The following SERPINI2 variants were observed in gnomAD, a reference collection of about 807,000 sequenced individuals.
SERPINI2 encodes the protein serpin family I member 2.
Under a neutral mutation model 47.3 loss-of-function variants are expected in SERPINI2, and 48 were observed. The observed-to-expected ratio is 1.02, with a 90% CI of 0.81 to 1.29. The LOEUF is 1.29. Ranked by LOEUF, SERPINI2 falls within the 50% of genes most tolerant of loss-of-function variation. The pLI, the probability that SERPINI2 is intolerant of heterozygous loss-of-function variation, is 0.00. For synonymous variants in SERPINI2, 135 were observed against 149.3 expected, an observed-to-expected ratio of 0.90 and a Z score of 0.70; for missense variants, 448 against 456.9, an observed-to-expected ratio of 0.98 and a Z score of 0.18.
chr3:167,450,793 A>G (rs1380508582), intron 6 of SERPINI2, among the ~76,000 whole-genome samples: 1 of 152,092 alleles, frequency 6.6e-6, no homozygotes, highest in African/African-American at 2.4e-5. Context: ...GTTAGGAAGG[A>G]GTGAAGAATT....
chr3:167,466,733 C>A (rs1750144062), intron 3 of SERPINI2, among the ~76,000 whole-genome samples: 1 of 151,878 alleles, frequency 6.6e-6, no homozygotes, highest in South Asian at 2.1e-4. Flanking sequence ...TTCTACCTGG[C>A]CAAAGAGATT....
intron 5 of SERPINI2, among the ~76,000 whole-genome samples, chr3:167,462,144 C>T (rs567474936): frequency 6.6e-6 from 1 of 152,308 alleles, no homozygotes; most frequent in South Asian, 2.1e-4. Flanking sequence ...ATAGTCTACA[C>T]TCAAGGAACT....
chr3:167,450,723 CAAAT>C (rs1749617569), intron 6 of SERPINI2, among the ~76,000 whole-genome samples: 1 of 152,036 alleles, frequency 6.6e-6, no homozygotes, highest in African/African-American at 2.4e-5. Flanking sequence ...TGGAAGAAGA[CAAAT>C]AAACACAGAG....
At chr3:167,449,504 TTA>T in intron 6 of SERPINI2, 102 bp from the exon 7 acceptor site, 1 of 562,878 alleles carries the variant, frequency 1.8e-6, no homozygotes, top group African/African-American at 2.1e-5. Flanking sequence ...ATTTATTTAT[TTA>T]TTTTTTGAGA....
At chr3:167,445,602 C>G (rs1210705850) in intron 8 of SERPINI2, among the ~76,000 whole-genome samples, 1 of 152,152 alleles carries the variant, frequency 6.6e-6, no homozygotes, top group African/African-American at 2.4e-5. Context: ...GGCATTTTGC[C>G]AAATATTGGC....
chr3:167,469,332 G>T (rs1750241979), intron 2 of SERPINI2: 1 of 152,128 alleles, frequency 6.6e-6, no homozygotes, highest in Non-Finnish European at 1.5e-5. Context: ...GCTAGTAAAA[G>T]TCTAAAAGCC....
At chr3:167,453,564 G>A (rs1749701046) in intron 5 of SERPINI2, among the ~76,000 whole-genome samples, 1 of 151,656 alleles carries the variant, frequency 6.6e-6, no homozygotes, top group Non-Finnish European at 1.5e-5. Context: ...TGTATGGACA[G>A]GCCTAATATC....
intron 2 of SERPINI2, among the ~76,000 whole-genome samples, chr3:167,470,579 T>C (rs955163497): frequency 3.1e-4 from 37 of 119,852 alleles, no homozygotes; most frequent in African/African-American, 1.0e-3. Context: ...TTTTTTTTTT[T>C]GGAGAAGGAG....
chr3:167,463,635 T>C (rs183599443), intron 5 of SERPINI2, among the ~76,000 whole-genome samples: 2 of 152,236 alleles, frequency 1.3e-5, no homozygotes, highest in East Asian at 3.9e-4. Flanking sequence ...AGAGTTAGGA[T>C]GAGAGAAGTA....
At chr3:167,454,799 G>A (rs573907478) in intron 5 of SERPINI2, among the ~76,000 whole-genome samples, 1 of 152,294 alleles carries the variant, frequency 6.6e-6, no homozygotes, top group South Asian at 2.1e-4. Flanking sequence ...TTGGAGCCAT[G>A]AATAGCCAGG....
Position 167,473,996 on chromosome 3 carries a change from T to C in SERPINI2, c.-11+7A>G, listed in dbSNP as rs185430895. 7 of 1,141,568 alleles carry C rather than the reference T, an allele frequency of 6.1e-6. No individual in the cohort carries two copies. Among genetic ancestry groups the C allele is most frequent in the Middle Eastern group, 7.5e-4 (2 of 2,652 alleles). The allele number at this position is 1,141,568 out of a possible 1,614,324, so 70.7% of individuals were successfully genotyped here. On this transcript the variant is annotated splice_region_variant and intron_variant, in intron 1 of 8. Coordinates refer to ENST00000264677, the Ensembl canonical transcript of SERPINI2. ...ATTCAAAAGCTATTTATTTCTAAGG[T>C]ACTTACCCCAAACTGACTTCTGATT...
At chr3:167,472,037 T>C (rs145834546) in intron 1 of SERPINI2, 193 bp from the exon 2 acceptor site, 6 of 498,714 alleles carry the variant, frequency 1.2e-5, no homozygotes, top group African/African-American at 1.1e-4. Context: ...ATTTCTTACA[T>C]ATCTTCAAGA....
At chr3:167,470,579 T>TTTTTTTTC (rs1750282022) in intron 2 of SERPINI2, among the ~76,000 whole-genome samples, 3 of 119,802 alleles carry the variant, frequency 2.5e-5, no homozygotes, top group African/African-American at 9.3e-5. Context: ...TTTTTTTTTT[T>TTTTTTTTC]GGAGAAGGAG....
At chr3:167,442,572 A>G (rs1465914892) in intron 8 of SERPINI2, among the ~76,000 whole-genome samples, 1 of 152,206 alleles carries the variant, frequency 6.6e-6, no homozygotes, top group African/African-American at 2.4e-5. Flanking sequence ...AGCAATCATC[A>G]TTTTATGCAT....
intron 8 of SERPINI2, among the ~76,000 whole-genome samples, chr3:167,443,645 G>C (rs1032181218): frequency 5.3e-5 from 8 of 152,130 alleles, no homozygotes; most frequent in African/African-American, 1.9e-4. Flanking sequence ...AGAGTAGTTT[G>C]TCTGGAAAAA....
At position 167,456,506 on chromosome 3, in the gene SERPINI2, G is replaced by A. The variant is rs188865330; in HGVS notation, c.867-3473C>T. The stretch of plus-strand genomic sequence containing the variant: ...TGATCATTTATGTCCTGTGGTAAGT[G>A]TTACATCTTTTGAAAAGTCTCCTTG... On this transcript the variant is annotated intron_variant, in intron 5 of 8. Transcript: ENST00000264677. 1.3e-3 allele frequency among the ~76,000 whole-genome samples: 200 copies of A among 152,240 alleles called. 4 individuals are homozygous for A. The East Asian group carries it at 0.03, about 23-fold the overall frequency.
At chr3:167,442,557 G>C (rs2108146887) in intron 8 of SERPINI2, among the ~76,000 whole-genome samples, 1 of 152,240 alleles carries the variant, frequency 6.6e-6, no homozygotes, top group African/African-American at 2.4e-5. Flanking sequence ...TAAATTTAAG[G>C]CATTAGCAAT....
At chr3:167,457,852 A>G (rs887511523) in intron 5 of SERPINI2, among the ~76,000 whole-genome samples, 9 of 152,244 alleles carry the variant, frequency 5.9e-5, no homozygotes, top group African/African-American at 2.2e-4. Flanking sequence ...AGAGATCAGA[A>G]AGGCTTTCTA....
Position 167,468,504 on chromosome 3 carries a change from C to T in SERPINI2, c.248-1219G>A, listed in dbSNP as rs560001890. Among the ~76,000 whole-genome samples the T allele has an allele frequency of 3.9e-5, 6 of 152,176 alleles. No individual in the cohort carries two copies. The East Asian group carries it at 7.7e-4, about 20-fold the overall frequency. ...GTCCCTACTTGCCTTTTTGGCCTGG[C>T]GTTCTCACAGCCTCACAGGAGGCTC... On this transcript the variant is annotated intron_variant, in intron 2 of 8. Transcript: ENST00000264677.
Sources: gnomAD v4.1 joint callset for allele counts (sites outside exome capture counted in the v4.1 genomes callset) on GRCh38, gnomAD v4.1.1 for gene constraint, MANE v1.5 for transcripts, NCBI Gene and HGNC (gene_info 2026-07-23, HGNC 2026-07-21) for gene names.